Variants in GPLD1 observed in about 807,000 individuals in gnomAD.
GPLD1 encodes the protein glycosylphosphatidylinositol specific phospholipase D1, also known as phosphatidylinositol-glycan-specific phospholipase D.
Under a neutral mutation model 112.6 loss-of-function variants are expected in GPLD1, and 84 were observed. That is an observed-to-expected ratio of 0.75 (90% CI 0.63 to 0.89). The LOEUF (loss-of-function observed/expected upper bound fraction) is 0.89, where lower values mean the gene tolerates loss of function less well. Ranked by LOEUF, GPLD1 falls within the 40% of genes least tolerant of loss-of-function variation. The pLI is 0.00. For synonymous variants in GPLD1, 386 were observed against 403.8 expected (o/e 0.96, Z 0.53); for missense variants, 1,044 against 1,051.5 (o/e 0.99, Z 0.10).
rs1447599430 is a variant in GPLD1, at chr6:24,460,388, T to G, written c.899A>C (p.Gln300Pro). 3 of 1,613,856 alleles carry G rather than the reference T, an allele frequency of 1.9e-6. No individual in the cohort carries two copies. In the East Asian group the frequency reaches 6.7e-5, roughly 36 times the overall value. ...CAAATTTCTGTGAAAATCATTTTTC[T>G]GCATTTTTGAGCTGTTGAAGAGAAA... ...QQNHTQGSKM[Q>P]KNDFHRNLTT... Residue 300 changes from glutamine to proline, a missense_variant, in exon 12 of 25, where the codon CAG (glutamine) becomes CCG (proline). Gln to Pro is a moderately conservative substitution (Grantham distance 76, BLOSUM62 -1). Coordinates refer to ENST00000230036, the MANE Select transcript of GPLD1 (RefSeq NM_001503.4).
At chr6:24,442,968 T>C (rs1287027360) in intron 20 of GPLD1, among the ~76,000 whole-genome samples, 1 of 152,194 alleles carries the variant, frequency 6.6e-6, no homozygotes, top group Non-Finnish European at 1.5e-5. Context: ...GAAACTCTAA[T>C]TCACAACACT....
intron 14 of GPLD1, among the ~76,000 whole-genome samples, chr6:24,453,429 A>C (rs545070154): frequency 6.6e-6 from 1 of 152,286 alleles, no homozygotes; most frequent in East Asian, 1.9e-4. Context: ...TAAGGTCAGG[A>C]GTTTGAGACC....
intron 5 of GPLD1, 45 bp downstream of exon 5, chr6:24,475,076 A>C: frequency 2.1e-6 from 2 of 944,784 alleles, no homozygotes; most frequent in Admixed American, 1.7e-5. Context: ...TAGGTGAGAC[A>C]GTATCACTCC....
chr6:24,437,068 G>A (rs765145631), intron 21 of GPLD1, 45 bp downstream of exon 21: 5 of 1,566,672 alleles, frequency 3.2e-6, no homozygotes, highest in Non-Finnish European at 4.4e-6. Context: ...CACCCCCTGG[G>A]CAAAGGGACT....
At chr6:24,431,824 T>C (rs793691) in intron 24 of GPLD1, among the ~76,000 whole-genome samples, 146,874 of 152,172 alleles carry the variant, frequency 0.97, 70,896 homozygotes, top group African/African-American at 0.99. Context: ...TGTGACCCAC[T>C]GCACCCAGCC....
intron 3 of GPLD1, 26 bp downstream of exon 3, chr6:24,479,851 CTTCA>C (rs1764143191): frequency 7.9e-7 from 1 of 1,259,540 alleles, no homozygotes. Flanking sequence ...GTAAAAGTGA[CTTCA>C]TTCAGTCTGC....
intron 11 of GPLD1, among the ~76,000 whole-genome samples, chr6:24,461,706 T>C (rs896333799): frequency 6.6e-6 from 1 of 152,216 alleles, no homozygotes; most frequent in Non-Finnish European, 1.5e-5. Context: ...GCATTTTTTC[T>C]TCCTAACACT....
intron 24 of GPLD1, among the ~76,000 whole-genome samples, chr6:24,431,262 G>C (rs1762396511): frequency 6.6e-6 from 1 of 152,108 alleles, no homozygotes; most frequent in Non-Finnish European, 1.5e-5. Flanking sequence ...TGGTCCACAG[G>C]AACCTGGTCC....
intron 14 of GPLD1, among the ~76,000 whole-genome samples, chr6:24,451,882 T>C (rs879685131): frequency 2.0e-5 from 3 of 152,228 alleles, no homozygotes; most frequent in Non-Finnish European, 4.4e-5. Flanking sequence ...CTCAGGGCTC[T>C]GCCAGCTGAG....
At chr6:24,433,773 G>T (rs147103705) in intron 22 of GPLD1, among the ~76,000 whole-genome samples, 245 of 152,086 alleles carry the variant, frequency 1.6e-3, no homozygotes, top group Non-Finnish European at 2.6e-3. Flanking sequence ...GGGATTACAG[G>T]CATGAGCCAC....
intron 1 of GPLD1, among the ~76,000 whole-genome samples, chr6:24,488,306 G>A (rs1426582381): frequency 6.6e-6 from 1 of 152,046 alleles, no homozygotes; most frequent in East Asian, 1.9e-4. Flanking sequence ...CAGCTACTCG[G>A]GAGGTTGAGG....
intron 12 of GPLD1, among the ~76,000 whole-genome samples, chr6:24,457,966 T>C (rs1763321379): frequency 6.6e-6 from 1 of 151,710 alleles, no homozygotes. Flanking sequence ...TGCAGAATGC[T>C]AGGAGCCGTA....
intron 20 of GPLD1, among the ~76,000 whole-genome samples, chr6:24,443,737 C>T (rs1762824854): frequency 6.6e-6 from 1 of 152,094 alleles, no homozygotes; most frequent in Non-Finnish European, 1.5e-5. Context: ...GTGGTGTCAT[C>T]TTGGCTCAGT....
At chr6:24,430,038 AAAT>A (rs1206850780) in intron 24 of GPLD1, among the ~76,000 whole-genome samples, 6 of 152,330 alleles carry the variant, frequency 3.9e-5, no homozygotes, top group Non-Finnish European at 5.9e-5. Flanking sequence ...TGAAATCTAG[AAAT>A]AATAATAATA....
exon 1 of GPLD1, chr6:24,495,111 C>A (rs1293911941): frequency 7.6e-7 from 1 of 1,310,890 alleles, no homozygotes; most frequent in Non-Finnish European, 9.6e-7. Context: ...CGGGCCTGCG[C>A]CCGGCCCGGC....
Position 24,479,940 on chromosome 6 carries a change from T to C in GPLD1, c.173A>G (p.Asp58Gly). ...NYRELLLEHQ[D>G]AYQAGIVFPD... is the part of the protein sequence containing the mutation. ...AAACACGATTCCAGCCTGATACGCA[T>C]CCTGGTGTTCTAGTAACAGCTGCAG... Residue 58 changes from aspartate to glycine, a missense_variant, in exon 3 of 25, where the codon GAT becomes GGT. Asp to Gly is a moderately conservative substitution (Grantham distance 94). Coordinates refer to ENST00000230036, the MANE Select transcript of GPLD1 (RefSeq NM_001503.4). 1.2e-6 allele frequency: 2 copies of C among 1,608,222 alleles called. No individual in the cohort carries two copies. Among genetic ancestry groups the C allele is most frequent in the Non-Finnish European group, 1.7e-6 (2 of 1,174,704 alleles).
chr6:24,495,249 G>A, upstream of GPLD1: 1 of 1,526,334 alleles, frequency 6.6e-7, no homozygotes, highest in African/African-American at 1.4e-5. Flanking sequence ...GGCCAGCGGC[G>A]CCGCTCTGGG....
intron 1 of GPLD1, chr6:24,494,859 C>T: frequency 9.8e-7 from 1 of 1,024,950 alleles, no homozygotes; most frequent in Non-Finnish European, 1.2e-6. Flanking sequence ...CTCTGTGGCT[C>T]TGCAACCTTC....
chr6:24,462,598 C>A lies in GPLD1; in HGVS notation c.887+132G>T, dbSNP rs1297246515. The A allele has an allele frequency of 4.6e-6, 3 of 659,198 alleles. No homozygotes were observed. In the South Asian group the frequency reaches 5.6e-5, roughly 12 times the overall value. The allele number at this position is 659,198 out of a possible 1,614,324, so 40.8% of individuals were successfully genotyped here. ...TCAAGCAGCTTGTTTAAAAATCACA[C>A]AGCTGCAAGTGACAAATCTGGAATT... On this transcript the variant is annotated intron_variant, in intron 11 of 24. Transcript: ENST00000230036.
Sources: gnomAD v4.1 joint callset for allele counts (sites outside exome capture counted in the v4.1 genomes callset) on GRCh38, gnomAD v4.1.1 for gene constraint, MANE v1.5 for transcripts, NCBI Gene and HGNC (gene_info 2026-07-23, HGNC 2026-07-21) for gene names.